The following TTC28 variants were observed in gnomAD, a reference collection of about 807,000 sequenced individuals.
TTC28 encodes tetratricopeptide repeat domain 28, also known as tetratricopeptide repeat protein 28.
A neutral mutation model predicts 198.0 loss-of-function variants in TTC28; 61 were observed. The observed-to-expected ratio is 0.31, with a 90% confidence interval of 0.25 to 0.38. The LOEUF (loss-of-function observed/expected upper bound fraction) is 0.38, where lower values mean the gene tolerates loss of function less well. Ranked by LOEUF, TTC28 falls within the 10% of genes least tolerant of loss-of-function variation. The pLI, the probability that TTC28 is intolerant of heterozygous loss-of-function variation, is 1.00. For synonymous variants in TTC28, 1,171 were observed against 1,297.8 expected, an observed-to-expected ratio of 0.90 and a Z score of 2.10; for missense variants, 2,678 against 3,164.0, an observed-to-expected ratio of 0.85 and a Z score of 3.69.
At chr22:28,529,493 G>A (rs189493786) in intron 2 of TTC28, among the ~76,000 whole-genome samples, 112 of 152,320 alleles carry the variant, frequency 7.4e-4, no homozygotes, top group Middle Eastern at 3.4e-3. Flanking sequence ...GGGCATAGCT[G>A]AACAAAAGGC....
intron 12 of TTC28, among the ~76,000 whole-genome samples, chr22:28,060,744 C>G (rs1940494799): frequency 6.6e-6 from 1 of 152,182 alleles, no homozygotes; most frequent in Admixed American, 6.5e-5. Context: ...TCTCCACATC[C>G]TCTCCAGCAC....
At chr22:28,030,396 C>G in intron 12 of TTC28, 30 bp from the exon 13 acceptor site, 1 of 1,551,044 alleles carries the variant, frequency 6.4e-7, no homozygotes, top group Non-Finnish European at 8.7e-7. Context: ...AAAAGCCAAT[C>G]AGAGAAAGGA....
intron 6 of TTC28, among the ~76,000 whole-genome samples, chr22:28,150,816 T>A (rs777073121): frequency 8.5e-5 from 13 of 152,296 alleles, no homozygotes; most frequent in African/African-American, 3.1e-4. Context: ...CACTGCATAG[T>A]ACCAGGCAGC....
intron 5 of TTC28, among the ~76,000 whole-genome samples, chr22:28,250,460 C>T (rs151249705): frequency 6.6e-6 from 1 of 152,026 alleles, no homozygotes; most frequent in Non-Finnish European, 1.5e-5. Context: ...CTTTGGTATC[C>T]GTAAGAGGTA....
chr22:28,348,915 T>A (rs554830354), intron 2 of TTC28, among the ~76,000 whole-genome samples: 3 of 152,224 alleles, frequency 2.0e-5, no homozygotes, highest in Non-Finnish European at 4.4e-5. Flanking sequence ...ATTTCCTTCC[T>A]AGCTCAAGCT....
chr22:28,515,966 G>A (rs998516549), intron 2 of TTC28, among the ~76,000 whole-genome samples: 3 of 152,012 alleles, frequency 2.0e-5, no homozygotes, highest in South Asian at 2.1e-4. Flanking sequence ...CCAACATGGC[G>A]AAACACCGTC....
chr22:28,506,911 G>A (rs2048621080), intron 2 of TTC28, among the ~76,000 whole-genome samples: 1 of 152,174 alleles, frequency 6.6e-6, no homozygotes, highest in South Asian at 2.1e-4. Flanking sequence ...TCAAAGGTCA[G>A]CAACCTCAAA....
At chr22:27,991,508 C>T (rs1937406983) in intron 19 of TTC28, among the ~76,000 whole-genome samples, 1 of 152,178 alleles carries the variant, frequency 6.6e-6, no homozygotes, top group Admixed American at 6.5e-5. Flanking sequence ...GGAAACAGCC[C>T]TAGGTAGCAC....
chr22:28,161,752 ACAG>A (rs1921220364), intron 6 of TTC28, among the ~76,000 whole-genome samples: 1 of 147,624 alleles, frequency 6.8e-6, no homozygotes, highest in Non-Finnish European at 1.5e-5. Context: ...ACAGGACAGG[ACAG>A]GAAAGGAAAG....
chr22:28,395,635 C>CAA (rs66868492), intron 2 of TTC28, among the ~76,000 whole-genome samples: 1 of 100,090 alleles, frequency 1.0e-5, no homozygotes, highest in African/African-American at 7.4e-5. Flanking sequence ...ACCAAACAAA[C>CAA]AAAAAAAAAA....
rs137948172 is a variant in TTC28, at chr22:28,645,664, C to T, written c.103-15834G>A. 4.7e-3 allele frequency among the ~76,000 whole-genome samples: 708 copies of T among 151,304 alleles called. 8 individuals carry two copies. Among genetic ancestry groups the T allele is most frequent in the Non-Finnish European group, 2.9e-3 (194 of 67,880 alleles). On this transcript the variant is annotated intron_variant, in intron 1 of 22. Transcript: ENST00000397906. ...AAAAAGATAATTCGCCATGATCAAG[C>T]GGGTTTCATCCTAGGGATGCTGGGA...
chr22:28,447,521 C>T (rs2047720943), intron 2 of TTC28, among the ~76,000 whole-genome samples: 1 of 152,200 alleles, frequency 6.6e-6, no homozygotes, highest in Non-Finnish European at 1.5e-5. Context: ...CCACTCAAGG[C>T]TTCAGTTTCT....
intron 5 of TTC28, among the ~76,000 whole-genome samples, chr22:28,274,105 G>A (rs12167641): frequency 6.6e-6 from 1 of 152,160 alleles, no homozygotes; most frequent in Non-Finnish European, 1.5e-5. Flanking sequence ...GGAAATACTA[G>A]CCTATGCTGT....
rs1387984690 is a variant in TTC28, at chr22:28,105,566, T to C, written c.3020A>G (p.Tyr1007Cys). ...SDAACGLGGV[Y>C]QQMGEYDTAL... is the part of the protein sequence containing the mutation. ...TGTGTCATACTCCCCCATCTGCTGGTAAACGCCCCCCAGGCCACAGGCTGC... is the reference window on the plus strand; with the variant it reads ...TGTGTCATACTCCCCCATCTGCTGGCAAACGCCCCCCAGGCCACAGGCTGC... The change falls in exon 8 of 23, where the codon TAC (tyrosine) becomes TGC (cysteine). Residue 1007 changes from tyrosine (Y) to cysteine (C), a missense_variant. Tyr to Cys is a radical substitution (Grantham distance 194). Around this residue, in one of 8 missense-constraint regions of TTC28, gnomAD observed 727 missense variants for 861.9 expected, o/e 0.84. Transcript: ENST00000397906. 5 of 1,551,620 alleles carry C rather than the reference T, an allele frequency of 3.2e-6. No homozygotes were observed. The highest frequency in any genetic ancestry group is 4.4e-6 in the Non-Finnish European group (5 of 1,147,016).
At chr22:28,118,957 T>A (rs990614195) in intron 6 of TTC28, among the ~76,000 whole-genome samples, 5 of 152,222 alleles carry the variant, frequency 3.3e-5, no homozygotes, top group Non-Finnish European at 7.3e-5. Context: ...AAATTTTATA[T>A]CTGTTGCATG....
chr22:28,486,924 G>A (rs187847830), intron 2 of TTC28, among the ~76,000 whole-genome samples: 19 of 152,240 alleles, frequency 1.2e-4, no homozygotes, highest in African/African-American at 4.3e-4. Flanking sequence ...AACTACATAA[G>A]TCAGGCAAAT....
At chr22:28,483,046 G>C (rs575978764) in intron 2 of TTC28, among the ~76,000 whole-genome samples, 7 of 152,208 alleles carry the variant, frequency 4.6e-5, no homozygotes, top group South Asian at 4.1e-4. Flanking sequence ...TGTTTGAATA[G>C]TGTTCAATTC....
At chr22:28,296,117 C>A in intron 5 of TTC28, 81 bp downstream of exon 5, 1 of 1,374,124 alleles carries the variant, frequency 7.3e-7, no homozygotes, top group Non-Finnish European at 9.8e-7. Flanking sequence ...ATACCTGAAA[C>A]AGTTTGTTTT....
chr22:28,499,158 C>A (rs1383131410), intron 2 of TTC28, among the ~76,000 whole-genome samples: 1 of 152,076 alleles, frequency 6.6e-6, no homozygotes, highest in Non-Finnish European at 1.5e-5. Flanking sequence ...GCCTGGACAA[C>A]AGAGAGAGAT....
Sources: gnomAD v4.1 joint callset for allele counts (sites outside exome capture counted in the v4.1 genomes callset) on GRCh38, gnomAD v4.1.1 for gene constraint, gnomAD v4.1.1 regional missense constraint, MANE v1.5 for transcripts, NCBI Gene and HGNC (gene_info 2026-07-23, HGNC 2026-07-21) for gene names.